Variants in ATP6V0A4 observed in about 807,000 individuals in gnomAD.
ATP6V0A4 encodes the protein ATPase H+ transporting V0 subunit a4, also known as V-type proton ATPase 116 kDa subunit a 4.
A neutral mutation model predicts 107.3 loss-of-function variants in ATP6V0A4; 86 were observed. The observed-to-expected ratio is 0.80, with a 90% CI of 0.67 to 0.96. The LOEUF is 0.96. ATP6V0A4 is among the 40% of genes least tolerant of loss of function. ATP6V0A4 has a pLI of 0.00. For synonymous variants in ATP6V0A4, 353 were observed against 381.4 expected, an observed-to-expected ratio of 0.93 and a Z score of 0.87; for missense variants, 908 against 1,045.6, an observed-to-expected ratio of 0.87 and a Z score of 1.81.
At chr7:138,794,907 T>A (rs1808585694) in intron 1 of ATP6V0A4, among the ~76,000 whole-genome samples, 1 of 151,728 alleles carries the variant, frequency 6.6e-6, no homozygotes, top group African/African-American at 2.4e-5. Flanking sequence ...ATTTTTTTTT[T>A]TTTTTTTTGA....
At chr7:138,785,202 T>C (rs1808121409) in intron 2 of ATP6V0A4, among the ~76,000 whole-genome samples, 1 of 152,144 alleles carries the variant, frequency 6.6e-6, no homozygotes, top group Non-Finnish European at 1.5e-5. Context: ...CTGAACTGAA[T>C]TCCCTCCAGA....
intron 2 of ATP6V0A4, among the ~76,000 whole-genome samples, chr7:138,785,557 G>A (rs1808141120): frequency 6.6e-6 from 1 of 151,954 alleles, no homozygotes; most frequent in African/African-American, 2.4e-5. Flanking sequence ...GATTATAATA[G>A]GCATGAGCCA....
In ATP6V0A4 at chr7:138,752,725, T is replaced by C; in HGVS notation, c.929A>G (p.Asn310Ser). Residue 310 changes from asparagine to serine, a missense_variant, in exon 11 of 22, where the codon AAC becomes AGC. Transcript: ENST00000310018. The stretch of plus-strand genomic sequence containing the variant: ...CTGGGTGACGTCGATGTTGCACATG[T>C]TCAGGATGTGGTAGACAGCTTTCAT... ...QKMKAVYHILNMCNIDVTQQC... is the reference protein window; with the variant it reads ...QKMKAVYHILSMCNIDVTQQC... 6.2e-7 allele frequency: 1 copy of C among 1,614,140 alleles called. No individual in the cohort carries two copies. Among genetic ancestry groups the C allele is most frequent in the Non-Finnish European group, 8.5e-7 (1 of 1,180,010 alleles).
intron 1 of ATP6V0A4, among the ~76,000 whole-genome samples, chr7:138,789,962 C>T (rs1270187620): frequency 1.5e-5 from 2 of 133,972 alleles, no homozygotes; most frequent in Non-Finnish European, 3.1e-5. Flanking sequence ...GAGCAAGACT[C>T]TGTCTCAAAA....
chr7:138,731,870 G>A (rs1411262120), intron 17 of ATP6V0A4, among the ~76,000 whole-genome samples: 1 of 151,600 alleles, frequency 6.6e-6, no homozygotes, highest in South Asian at 2.1e-4. Flanking sequence ...TCCAGCCTGG[G>A]TGACAGAGTG....
chr7:138,792,977 G>A (rs921357233), intron 1 of ATP6V0A4, among the ~76,000 whole-genome samples: 1 of 151,968 alleles, frequency 6.6e-6, no homozygotes, highest in Admixed American at 6.6e-5. Flanking sequence ...ACAAAGTAAA[G>A]TTTATGGCAA....
Position 138,755,231 on chromosome 7 carries a change from G to A in ATP6V0A4, c.816+458C>T, listed in dbSNP as rs144684068. On this transcript the variant is annotated intron_variant, in intron 10 of 21. Transcript: ENST00000310018. ...GTGACAGACTTTACAAAGAAAATGA[G>A]TTTGGGATGAATGAATGTTCACATG... is the stretch of plus-strand genomic sequence containing the variant. Among the ~76,000 whole-genome samples, 374 of 152,286 alleles carry A rather than the reference G, an allele frequency of 2.5e-3. 1 individual carries two copies. Among genetic ancestry groups the A allele is most frequent in the African/African-American group, 8.6e-3 (357 of 41,566 alleles).
intron 15 of ATP6V0A4, among the ~76,000 whole-genome samples, chr7:138,738,753 C>A (rs1805471202): frequency 6.6e-6 from 1 of 152,086 alleles, no homozygotes; most frequent in African/African-American, 2.4e-5. Flanking sequence ...AGACTGGAAA[C>A]CAGTTTTAGG....
At chr7:138,756,867 G>T (rs534415817) in intron 8 of ATP6V0A4, among the ~76,000 whole-genome samples, 3 of 152,308 alleles carry the variant, frequency 2.0e-5, no homozygotes, top group East Asian at 1.9e-4. Flanking sequence ...AGAGAATATT[G>T]CAAGGCTTAA....
intron 10 of ATP6V0A4, 48 bp from the exon 11 acceptor site, chr7:138,752,885 G>C (rs1429401158): frequency 9.4e-6 from 15 of 1,603,974 alleles, no homozygotes; most frequent in Non-Finnish European, 1.3e-5. Context: ...TCACAGAGCT[G>C]TTTGACAAGG....
chr7:138,711,863 A>G (rs941750825), intron 20 of ATP6V0A4, among the ~76,000 whole-genome samples: 2 of 152,326 alleles, frequency 1.3e-5, no homozygotes, highest in East Asian at 1.9e-4. Flanking sequence ...ACCCATGAGC[A>G]TGTCTTTACT....
intron 20 of ATP6V0A4, among the ~76,000 whole-genome samples, chr7:138,710,088 C>G (rs570352366): frequency 6.6e-6 from 1 of 151,960 alleles, no homozygotes; most frequent in South Asian, 2.1e-4. Context: ...TGCCATAGTG[C>G]AATTATGGCT....
intron 17 of ATP6V0A4, among the ~76,000 whole-genome samples, chr7:138,729,920 G>A (rs900356328): frequency 3.9e-5 from 6 of 152,090 alleles, no homozygotes; most frequent in African/African-American, 1.4e-4. Flanking sequence ...GTCTCGCTCT[G>A]TTGCCTAGGC....
intron 1 of ATP6V0A4, among the ~76,000 whole-genome samples, chr7:138,794,894 C>T (rs1430397315): frequency 4.7e-5 from 5 of 106,312 alleles, no homozygotes; most frequent in Non-Finnish European, 7.4e-5. Context: ...TCCAGCCCAC[C>T]CTATTTTTTT....
In ATP6V0A4 at chr7:138,734,137, T is replaced by C; in HGVS notation, c.1690A>G (p.Ile564Val). ...CAGAGAGTGCATCAAGAAACTTACA[T>C]GTGATTGAAAAGGCTGAGGATGACA... ...FGVILSLFNH[I>V]YFRRTLNIIL... Residue 564 changes from isoleucine (I) to valine (V), a missense_variant and splice_region_variant, in exon 16 of 22, where the codon ATA becomes GTA. Transcript: ENST00000310018. 6.2e-7 allele frequency: 1 copy of C among 1,609,976 alleles called. No individual in the cohort carries two copies. Among genetic ancestry groups the C allele is most frequent in the South Asian group, 1.1e-5 (1 of 90,970 alleles).
At chr7:138,726,204 T>C (rs1584901544) in intron 18 of ATP6V0A4, among the ~76,000 whole-genome samples, 1 of 152,034 alleles carries the variant, frequency 6.6e-6, no homozygotes, top group Non-Finnish European at 1.5e-5. Flanking sequence ...TTAGCCAGGA[T>C]GGTCTCGATC....
At chr7:138,745,962 A>AATATATATATATATATATAT (rs1554396064) in intron 13 of ATP6V0A4, among the ~76,000 whole-genome samples, 4 of 65,634 alleles carry the variant, frequency 6.1e-5, no homozygotes, top group African/African-American at 2.7e-4. Flanking sequence ...AAAAAAAAAA[A>AATATATATATATATATATAT]ATATATATAT....
Position 138,797,208 on chromosome 7 carries a change from CTTTTTTTTTTTTT to C in ATP6V0A4, c.-121+813_-121+825del, listed in dbSNP as rs3842142. On this transcript the variant is annotated intron_variant, in intron 1 of 21. Coordinates refer to ENST00000310018, the MANE Select transcript of ATP6V0A4 (RefSeq NM_020632.3). Reference sequence around the variant, plus strand: ...CAAGGCCCAGGCCAAATGCCATTTTCTTTTTTTTTTTTTTTTTTTTTTTGGAGATGGAGTCTCC... The same window carrying C: ...CAAGGCCCAGGCCAAATGCCATTTTCTTTTTTTTTTGGAGATGGAGTCTCC... Among the ~76,000 whole-genome samples the C allele has an allele frequency of 4.2e-5, 4 of 96,110 alleles. No individual in the cohort carries two copies. In the South Asian group the frequency reaches 1.1e-3, roughly 25 times the overall value. 63.1% of individuals were successfully genotyped at this position (96,110 alleles called of 152,430 possible). A position where few individuals can be genotyped will look rare whatever the true frequency, so the allele number is the denominator to read the frequency against.
At chr7:138,738,096 G>A (rs535414720) in intron 15 of ATP6V0A4, among the ~76,000 whole-genome samples, 77 of 151,970 alleles carry the variant, frequency 5.1e-4, no homozygotes, top group Non-Finnish European at 9.7e-4. Flanking sequence ...ATTTTGTGTG[G>A]TATAGATTTT....
Sources: gnomAD v4.1 joint callset for allele counts (sites outside exome capture counted in the v4.1 genomes callset) on GRCh38, gnomAD v4.1.1 for gene constraint, MANE v1.5 for transcripts, NCBI Gene and HGNC (gene_info 2026-07-23, HGNC 2026-07-21) for gene names.